Variants in CUL5 observed in about 807,000 individuals in gnomAD.
The protein encoded by CUL5 is cullin 5, also known as cullin-5.
CUL5 carries 26 observed loss-of-function variants against 108.8 expected under a neutral mutation model. That is an observed-to-expected ratio of 0.24 (90% CI 0.18 to 0.33). CUL5 has a LOEUF of 0.33. Among genes scored for constraint, CUL5 ranks in the 10% least tolerant of loss-of-function variants. The probability of loss-of-function intolerance (pLI) is 1.00; values close to 1 mark genes in which losing one functional copy is unlikely to be tolerated. For synonymous variants in CUL5, 334 were observed against 298.0 expected, an observed-to-expected ratio of 1.12 and a Z score of -1.25; for missense variants, 524 against 909.2, an observed-to-expected ratio of 0.58 and a Z score of 5.45.
chr11:108,093,621 G>A (rs962357470), intron 13 of CUL5, among the ~76,000 whole-genome samples: 19 of 152,170 alleles, frequency 1.2e-4, no homozygotes, highest in Admixed American at 1.2e-3. Flanking sequence ...TGGAAGACAA[G>A]GATGCAATGA....
At chr11:108,078,751 G>A (rs1381390800) in intron 11 of CUL5, among the ~76,000 whole-genome samples, 1 of 152,040 alleles carries the variant, frequency 6.6e-6, no homozygotes, top group African/African-American at 2.4e-5. Flanking sequence ...GTCTTTTGAT[G>A]TGCTTCTAGC....
At chr11:108,101,138 A>G (rs963457768) in intron 18 of CUL5, among the ~76,000 whole-genome samples, 1 of 152,238 alleles carries the variant, frequency 6.6e-6, no homozygotes, top group Admixed American at 6.5e-5. Context: ...GTACAATCCA[A>G]TAATCTAAGC....
chr11:108,049,002 A>G (rs1863141606), intron 3 of CUL5, among the ~76,000 whole-genome samples: 1 of 152,114 alleles, frequency 6.6e-6, no homozygotes, highest in Admixed American at 6.6e-5. Context: ...GATATAATTA[A>G]TATACCATAA....
chr11:108,020,574 G>A (rs1267327094), intron 1 of CUL5, among the ~76,000 whole-genome samples: 1 of 151,692 alleles, frequency 6.6e-6, no homozygotes, highest in South Asian at 2.1e-4. Flanking sequence ...TAGAGACAGG[G>A]TCTCACCACG....
intron 15 of CUL5, among the ~76,000 whole-genome samples, chr11:108,095,208 A>G (rs760315187): frequency 2.0e-5 from 3 of 152,158 alleles, no homozygotes; most frequent in Non-Finnish European, 2.9e-5. Context: ...CATGATCCCA[A>G]CTATCTCAGT....
Position 108,106,829 on chromosome 11 carries a change from C to T in CUL5, c.*2445C>T, listed in dbSNP as rs1235763804. 1 of 100,482 alleles carries T rather than the reference C, an allele frequency of 1.0e-5. No homozygotes were observed. Among genetic ancestry groups the T allele is most frequent in the African/African-American group, 3.3e-5 (1 of 30,704 alleles). The allele number at this position is 100,482 out of a possible 1,614,324, so 6.2% of individuals were successfully genotyped here. ...GTTAAGTGAAAAGAAAATCCAGCCT[C>T]CCCCTCCAAAAAAAAAAAAAAAATT... On this transcript the variant is annotated 3_prime_UTR_variant, in exon 19 of 19. Transcript: ENST00000393094.
intron 11 of CUL5, among the ~76,000 whole-genome samples, chr11:108,082,732 C>T (rs1358625138): frequency 1.3e-5 from 2 of 152,000 alleles, no homozygotes; most frequent in African/African-American, 4.8e-5. Flanking sequence ...GCAGCCTTCG[C>T]CTCCTGGGCT....
At chr11:108,017,572 G>A (rs994498873) in intron 1 of CUL5, among the ~76,000 whole-genome samples, 7 of 152,192 alleles carry the variant, frequency 4.6e-5, no homozygotes, top group Admixed American at 2.0e-4. Flanking sequence ...GTTCAAGGCC[G>A]GATGCGGAGG....
intron 3 of CUL5, among the ~76,000 whole-genome samples, chr11:108,048,123 T>C (rs939110771): frequency 1.3e-5 from 2 of 152,086 alleles, no homozygotes; most frequent in African/African-American, 4.8e-5. Flanking sequence ...AAGAAATTTT[T>C]TTTTTTTTTT....
chr11:108,043,473 T>C (rs978271033), intron 2 of CUL5, among the ~76,000 whole-genome samples: 2 of 152,180 alleles, frequency 1.3e-5, no homozygotes, highest in Admixed American at 1.3e-4. Flanking sequence ...TCTAAGAGTA[T>C]TGGGAAACCA....
chr11:108,048,227 A>G (rs1007954982), intron 3 of CUL5, among the ~76,000 whole-genome samples: 2 of 152,066 alleles, frequency 1.3e-5, no homozygotes, highest in Admixed American at 1.3e-4. Flanking sequence ...ATGCATTGAA[A>G]TGTTTATAAC....
rs1331600025 is a variant in CUL5, at chr11:108,019,306, G to A, written c.24+9934G>A. 1.3e-5 allele frequency among the ~76,000 whole-genome samples: 2 copies of A among 151,994 alleles called. 1 individual carries two copies. The highest frequency in any genetic ancestry group is 4.2e-4 in the South Asian group (2 of 4,816). On this transcript the variant is annotated intron_variant, in intron 1 of 18. Transcript: ENST00000393094. ...TGGTTAGTGGGGATTGGCAAATGGG[G>A]TTTTAAAATCACATAACTGGGAGCA...
intron 7 of CUL5, among the ~76,000 whole-genome samples, chr11:108,063,443 C>T (rs1018736899): frequency 6.6e-6 from 1 of 151,944 alleles, no homozygotes. Context: ...ATTATCCATT[C>T]ATTTGTTGGT....
At chr11:108,098,721 AT>A (rs1565271589) in intron 18 of CUL5, among the ~76,000 whole-genome samples, 192 bp downstream of exon 18, 1 of 151,914 alleles carries the variant, frequency 6.6e-6, no homozygotes, top group African/African-American at 2.4e-5. Context: ...GTCTCAATCA[AT>A]TTTTTAAAAA....
At chr11:108,040,708 C>T (rs191110157) in intron 2 of CUL5, among the ~76,000 whole-genome samples, 5 of 151,148 alleles carry the variant, frequency 3.3e-5, no homozygotes, top group Non-Finnish European at 5.9e-5. Context: ...TCCTTGAGCA[C>T]AGGAGTTTTA....
rs771663245 is a variant in CUL5, at chr11:108,105,365, G to A, written c.*981G>A. On this transcript the variant is annotated 3_prime_UTR_variant, in exon 19 of 19. Coordinates refer to ENST00000393094, the MANE Select transcript of CUL5 (RefSeq NM_003478.6). ...TGATCTCTTAATCTGTAGCATAGAA[G>A]TATTTTGGTATTTTAAGGTCTCATG... 1 of 152,348 alleles carries A rather than the reference G, an allele frequency of 6.6e-6. No individual in the cohort carries two copies. Among genetic ancestry groups the A allele is most frequent in the Admixed American group, 6.6e-5 (1 of 15,242 alleles). The allele number at this position is 152,348 out of a possible 1,614,324, so 9.4% of individuals were successfully genotyped here.
intron 1 of CUL5, among the ~76,000 whole-genome samples, chr11:108,023,796 C>T (rs540360141): frequency 2.6e-5 from 4 of 152,210 alleles, no homozygotes; most frequent in African/African-American, 9.6e-5. Flanking sequence ...TCAAAAAATA[C>T]AAGTATTGCT....
At chr11:108,096,590 T>TG in intron 16 of CUL5, among the ~76,000 whole-genome samples, 1 of 135,522 alleles carries the variant, frequency 7.4e-6, no homozygotes, top group Non-Finnish European at 1.5e-5. Flanking sequence ...TTTTTTTTTT[T>TG]TGAGACACTC....
At chr11:108,096,701 G>C (rs1864509769) in intron 16 of CUL5, among the ~76,000 whole-genome samples, 1 of 149,354 alleles carries the variant, frequency 6.7e-6, no homozygotes, top group African/African-American at 2.5e-5. Context: ...CAAGTAGCTG[G>C]AATTACAGGC....
Sources: allele counts gnomAD v4.1 joint callset (sites outside exome capture counted in the v4.1 genomes callset), GRCh38; gene constraint gnomAD v4.1.1; transcripts MANE v1.5; gene names NCBI Gene and HGNC (gene_info 2026-07-23, HGNC 2026-07-21).